The following FRAS1 variants were observed in gnomAD, a reference collection of about 807,000 sequenced individuals.
FRAS1 encodes Fraser extracellular matrix complex subunit 1.
Under a neutral mutation model 435.2 loss-of-function variants are expected in FRAS1, and 290 were observed. That is an observed-to-expected ratio of 0.67 (90% CI 0.61 to 0.73). The LOEUF (loss-of-function observed/expected upper bound fraction) is 0.73, where lower values mean the gene tolerates loss of function less well. Ranked by LOEUF, FRAS1 falls within the 30% of genes least tolerant of loss-of-function variation. FRAS1 has a pLI of 0.00. For missense variants in FRAS1, 4,860 were observed against 5,001.5 expected, an observed-to-expected ratio of 0.97 and a Z score of 0.85; for synonymous variants, 1,800 against 1,851.0, an observed-to-expected ratio of 0.97 and a Z score of 0.71.
At chr4:78,279,219 C>T (rs759952949) in intron 10 of FRAS1, among the ~76,000 whole-genome samples, 18 of 152,148 alleles carry the variant, frequency 1.2e-4, no homozygotes, top group Non-Finnish European at 2.1e-4. Flanking sequence ...GGCACTGAGA[C>T]GCAAGTGTGT....
intron 73 of FRAS1, among the ~76,000 whole-genome samples, chr4:78,539,675 T>C (rs1480125982): frequency 1.3e-5 from 2 of 152,238 alleles, no homozygotes; most frequent in African/African-American, 4.8e-5. Flanking sequence ...CTTGTCATTG[T>C]GCACATCATG....
intron 53 of FRAS1, among the ~76,000 whole-genome samples, chr4:78,474,456 G>A (rs180941301): frequency 5.3e-5 from 8 of 152,292 alleles, no homozygotes; most frequent in African/African-American, 1.9e-4. Flanking sequence ...TTGATTTCAT[G>A]TGCCCCAAAT....
chr4:78,534,933 C>G (rs1478027155), intron 71 of FRAS1, among the ~76,000 whole-genome samples: 2 of 152,182 alleles, frequency 1.3e-5, no homozygotes, highest in African/African-American at 4.8e-5. Flanking sequence ...GTTATTTCCT[C>G]AAATCCCATT....
At chr4:78,365,491 A>G (rs1731226465) in intron 22 of FRAS1, among the ~76,000 whole-genome samples, 1 of 152,112 alleles carries the variant, frequency 6.6e-6, no homozygotes, top group African/African-American at 2.4e-5. Context: ...TCAAAAGAAA[A>G]AATAGAATCC....
chr4:78,516,221 A>G (rs1721213646), intron 66 of FRAS1, among the ~76,000 whole-genome samples: 1 of 152,228 alleles, frequency 6.6e-6, no homozygotes, highest in Non-Finnish European at 1.5e-5. Context: ...TTAATGTGGA[A>G]AAAACTTACT....
In FRAS1 at chr4:78,544,069, T is replaced by G. The variant is rs2109914314; in HGVS notation, c.*2945T>G. ...AGTCTTATGATATTCAGTCTCAGTC[T>G]GCTATAGGTATTTGTTATTCTTGGA... On this transcript the variant is annotated 3_prime_UTR_variant, in exon 74 of 74. Transcript: ENST00000512123. 1 of 152,812 alleles carries G rather than the reference T, an allele frequency of 6.5e-6. No individual in the cohort carries two copies. The highest frequency in any genetic ancestry group is 1.5e-5 in the Non-Finnish European group (1 of 68,042). The allele number at this position is 152,812 out of a possible 1,614,324, so 9.5% of individuals were successfully genotyped here.
intron 70 of FRAS1, among the ~76,000 whole-genome samples, chr4:78,533,405 C>T (rs1721780835): frequency 6.6e-6 from 1 of 152,170 alleles, no homozygotes; most frequent in Non-Finnish European, 1.5e-5. Context: ...GAAGGCCAGT[C>T]TGGCTAGATC....
At chr4:78,296,704 C>T (rs1380786590) in intron 14 of FRAS1, among the ~76,000 whole-genome samples, 1 of 152,166 alleles carries the variant, frequency 6.6e-6, no homozygotes, top group Non-Finnish European at 1.5e-5. Context: ...GTAATTCTTC[C>T]CTTCCCTTCC....
At chr4:78,498,145 A>G (rs111972250) in intron 60 of FRAS1, among the ~76,000 whole-genome samples, 1 of 152,156 alleles carries the variant, frequency 6.6e-6, no homozygotes, top group Non-Finnish European at 1.5e-5. Flanking sequence ...AATGTAGGTG[A>G]TGGGTCGGTG....
At chr4:78,476,402 A>C (rs564134038) in intron 54 of FRAS1, among the ~76,000 whole-genome samples, 53 of 144,344 alleles carry the variant, frequency 3.7e-4, no homozygotes, top group Admixed American at 6.3e-4. Context: ...AGTCAACTTA[A>C]ATAGTCAACA....
chr4:78,334,517 C>T lies in FRAS1; in HGVS notation c.2278+1105C>T, dbSNP rs568785954. 2.6e-5 allele frequency among the ~76,000 whole-genome samples: 4 copies of T among 151,518 alleles called. No individual in the cohort carries two copies. In the South Asian group the frequency reaches 8.4e-4, roughly 32 times the overall value. ...TCCCGAGTAGCTGGGATTACAAGTGCGTGCCACCACACCCAGCTAACTCCT... is the reference window on the plus strand; with the variant it reads ...TCCCGAGTAGCTGGGATTACAAGTGTGTGCCACCACACCCAGCTAACTCCT... On this transcript the variant is annotated intron_variant, in intron 19 of 73. Coordinates refer to ENST00000512123, the MANE Select transcript of FRAS1 (RefSeq NM_025074.7).
chr4:78,127,949 G>C (rs1205851385), intron 2 of FRAS1, among the ~76,000 whole-genome samples: 1 of 134,774 alleles, frequency 7.4e-6, no homozygotes, highest in Non-Finnish European at 1.5e-5. Context: ...TCCCTTTCCT[G>C]TGTCCATGTG....
chr4:78,372,783 G>A lies in FRAS1; in HGVS notation c.2935G>A (p.Gly979Ser), dbSNP rs538621809. The change falls in exon 24 of 74, where the codon GGC becomes AGC. Residue 979 changes from glycine to serine, a missense_variant. Transcript: ENST00000512123. ...AACAGACTGCCTGCAGTGCATGGAT[G>A]GCTATGTTCTCCAGGATGGGGCCTG... Reference protein sequence around the residue: ...LKTDCLQCMDGYVLQDGACVE... With the variant: ...LKTDCLQCMDSYVLQDGACVE... 6.2e-6 allele frequency: 10 copies of A among 1,613,198 alleles called. No homozygotes were observed. Among genetic ancestry groups the A allele is most frequent in the East Asian group, 2.2e-5 (1 of 44,880 alleles).
At chr4:78,222,559 G>A (rs536125515) in intron 2 of FRAS1, among the ~76,000 whole-genome samples, 2 of 152,344 alleles carry the variant, frequency 1.3e-5, no homozygotes, top group East Asian at 3.9e-4. Context: ...AGACCTGGCA[G>A]TGAGTAAGTT....
intron 2 of FRAS1, among the ~76,000 whole-genome samples, chr4:78,075,992 T>C (rs781169728): frequency 3.3e-5 from 5 of 152,184 alleles, no homozygotes; most frequent in Non-Finnish European, 5.9e-5. Context: ...GCAGTGGGGA[T>C]GCTTTGAAAT....
chr4:78,459,900 G>A (rs145725757), intron 47 of FRAS1, among the ~76,000 whole-genome samples: 9 of 152,238 alleles, frequency 5.9e-5, no homozygotes, highest in African/African-American at 1.4e-4. Flanking sequence ...AGTCATATTC[G>A]ATTAGAGCCC....
intron 2 of FRAS1, among the ~76,000 whole-genome samples, chr4:78,103,912 T>A (rs1005679477): frequency 9.9e-5 from 15 of 152,202 alleles, no homozygotes; most frequent in African/African-American, 3.6e-4. Flanking sequence ...GCTTTGCAAA[T>A]CAGTAGTGCT....
intron 2 of FRAS1, among the ~76,000 whole-genome samples, chr4:78,210,709 C>G (rs1723466859): frequency 6.6e-6 from 1 of 152,132 alleles, no homozygotes; most frequent in Non-Finnish European, 1.5e-5. Context: ...AATAGGTTTG[C>G]CTGGTATGGC....
intron 2 of FRAS1, among the ~76,000 whole-genome samples, chr4:78,091,573 G>T (rs144089787): frequency 8.7e-4 from 132 of 151,900 alleles, no homozygotes; most frequent in African/African-American, 2.9e-3. Context: ...TTTTCAAAAG[G>T]GCATTGCTTT....
Sources: allele counts gnomAD v4.1 joint callset (sites outside exome capture counted in the v4.1 genomes callset), GRCh38; gene constraint gnomAD v4.1.1; transcripts MANE v1.5; gene names NCBI Gene and HGNC (gene_info 2026-07-23, HGNC 2026-07-21).